STIP1: variants seen among roughly 807,000 people sequenced by gnomAD.
STIP1 encodes stress-induced-phosphoprotein 1.
STIP1 carries 16 observed loss-of-function variants against 77.4 expected under a neutral mutation model. That is an observed-to-expected ratio of 0.21 (90% CI 0.14 to 0.31). STIP1 has a LOEUF of 0.31. Ranked by LOEUF, STIP1 falls within the 10% of genes least tolerant of loss-of-function variation. The pLI is 1.00. For missense variants in STIP1, 524 were observed against 684.8 expected (o/e 0.77, Z 2.62); for synonymous variants, 258 against 246.6 (o/e 1.05, Z -0.44).
At chr11:64,194,421 G>A in intron 3 of STIP1, 58 bp from the exon 4 acceptor site, 3 of 1,612,220 alleles carry the variant, frequency 1.9e-6, no homozygotes, top group South Asian at 2.2e-5. Flanking sequence ...TAGGGTATGG[G>A]ACACAGTAAT....
chr11:64,186,951 T>C (rs1946029214), intron 1 of STIP1, among the ~76,000 whole-genome samples: 1 of 152,246 alleles, frequency 6.6e-6, no homozygotes, highest in Admixed American at 6.5e-5. Flanking sequence ...TCTCTGACAG[T>C]GTTTTACAAA....
At chr11:64,186,523 T>A in intron 1 of STIP1, 1 of 295,782 alleles carries the variant, frequency 3.4e-6, no homozygotes, top group Non-Finnish European at 5.9e-6. Flanking sequence ...ACAGCTTGGG[T>A]GAGTCCGGCC....
intron 8 of STIP1, among the ~76,000 whole-genome samples, chr11:64,199,533 C>A (rs1211706840): frequency 7.0e-6 from 1 of 142,858 alleles, no homozygotes; most frequent in Non-Finnish European, 1.5e-5. Flanking sequence ...AAAATCTTGC[C>A]AGCAATACTC....
chr11:64,194,751 T>A, intron 4 of STIP1, 131 bp downstream of exon 4: 2 of 1,140,462 alleles, frequency 1.8e-6, no homozygotes, highest in Non-Finnish European at 2.4e-6. Flanking sequence ...TGCAGAGCAG[T>A]AGGTGGTGGT....
At chr11:64,186,488 GGGCGAGGAGGGCCC>G in intron 1 of STIP1, 2 of 414,414 alleles carry the variant, frequency 4.8e-6, no homozygotes, top group Non-Finnish European at 7.6e-6. Flanking sequence ...CCCCCTGGTT[GGGCGAGGAGGGCCC>G]GGCGGAGGCC....
At chr11:64,185,652 C>G (rs1172719425), upstream of STIP1, 3 of 890,196 alleles carry the variant, frequency 3.4e-6, no homozygotes, top group Non-Finnish European at 5.0e-6. Flanking sequence ...ACCCAGAGGC[C>G]CCGCAGCCGC....
At chr11:64,190,689 C>G (rs551578099) in intron 1 of STIP1, among the ~76,000 whole-genome samples, 1 of 152,318 alleles carries the variant, frequency 6.6e-6, no homozygotes, top group East Asian at 1.9e-4. Context: ...TCGGTGACAA[C>G]TCTATCTCAC....
At chr11:64,200,532 GGTGT>G (rs759585589) in intron 10 of STIP1, among the ~76,000 whole-genome samples, 1 of 150,624 alleles carries the variant, frequency 6.6e-6, no homozygotes, top group East Asian at 1.9e-4. Context: ...GATTTATAGG[GGTGT>G]GTGTGTGTAT....
intron 5 of STIP1, among the ~76,000 whole-genome samples, chr11:64,196,474 C>T (rs926719493): frequency 2.0e-5 from 3 of 151,730 alleles, no homozygotes; most frequent in Non-Finnish European, 4.4e-5. Context: ...GGGAGTTGCC[C>T]TTCCCGTGGT....
chr11:64,197,483 T>C lies in STIP1; in HGVS notation c.800-10T>C, dbSNP rs1217608760. On this transcript the variant is annotated splice_polypyrimidine_tract_variant and intron_variant, in intron 6 of 13. Transcript: ENST00000305218. The stretch of plus-strand genomic sequence containing the variant: ...ACTGACTGTTCCTTCTTAACCATCC[T>C]GCCTGGCAGCGGTATACTTTGAAAA... The C allele has an allele frequency of 1.3e-5, 21 of 1,614,068 alleles. No individual in the cohort carries two copies. The East Asian group carries it at 4.7e-4, about 36-fold the overall frequency.
At position 64,194,665 on chromosome 11, in the gene STIP1, T is replaced by TA. The variant is rs536589273; in HGVS notation, c.503+46dup. On this transcript the variant is annotated intron_variant, in intron 4 of 13. Transcript: ENST00000305218. ...TGAGGTTCTGGAAATCGGGGAATGTTATGCTTTCTTCCTGTAACCTCACAG... is the reference window on the plus strand; with the variant it reads ...TGAGGTTCTGGAAATCGGGGAATGTTAATGCTTTCTTCCTGTAACCTCACAG... 257 of 1,601,326 alleles carry TA rather than the reference T, an allele frequency of 1.6e-4. 1 individual carries two copies. The South Asian group carries it at 2.7e-3, about 17-fold the overall frequency.
intron 10 of STIP1, chr11:64,202,619 T>C (rs1946232020): frequency 1.9e-6 from 1 of 516,458 alleles, no homozygotes; most frequent in South Asian, 2.3e-5. Flanking sequence ...GCATTTTGTC[T>C]AGTTGTCATG....
intron 1 of STIP1, among the ~76,000 whole-genome samples, chr11:64,191,039 T>G (rs1406170353): frequency 6.6e-6 from 1 of 151,732 alleles, no homozygotes; most frequent in African/African-American, 2.4e-5. Flanking sequence ...AATACAAAAT[T>G]AGACGGATGT....
Position 64,197,306 on chromosome 11 carries a change from C to T in STIP1, c.708C>T (p.Tyr236=). Residue 236 remains tyrosine (Y), a synonymous_variant, in exon 6 of 14, where the codon TAC becomes TAT. Transcript: ENST00000305218. Reference sequence around the variant, plus strand: ...AAAAAGAGCTGGGGAACGATGCCTACAAGAAGAAAGACTTTGACACAGCCT... The same window carrying T: ...AAAAAGAGCTGGGGAACGATGCCTATAAGAAGAAAGACTTTGACACAGCCT... ...LKEKELGNDA[Y]KKKDFDTALK... 6.2e-7 allele frequency: 1 copy of T among 1,614,036 alleles called. No homozygotes were observed. Among genetic ancestry groups the T allele is most frequent in the Non-Finnish European group, 8.5e-7 (1 of 1,180,014 alleles).
chr11:64,203,767 G>T (rs1946248584), intron 13 of STIP1, 145 bp downstream of exon 13: 1 of 1,116,788 alleles, frequency 9.0e-7, no homozygotes, highest in African/African-American at 1.6e-5. Context: ...TTGGCAGTGG[G>T]TGGCGAGCTG....
At chr11:64,200,427 A>T (rs1353521247) in intron 10 of STIP1, 134 bp downstream of exon 10, 3 of 1,402,438 alleles carry the variant, frequency 2.1e-6, no homozygotes, top group Non-Finnish European at 2.9e-6. Context: ...GTCCTGCCTC[A>T]GCCTCCTGAG....
At chr11:64,196,186 A>G (rs1218064714) in intron 5 of STIP1, among the ~76,000 whole-genome samples, 2 of 152,026 alleles carry the variant, frequency 1.3e-5, no homozygotes, top group East Asian at 1.9e-4. Context: ...ACCTGAGGTC[A>G]GGAGTTCAAG....
chr11:64,192,950 T>A (rs1946109069), intron 1 of STIP1, 128 bp from the exon 2 acceptor site: 4 of 887,944 alleles, frequency 4.5e-6, no homozygotes, highest in Non-Finnish European at 6.9e-6. Context: ...TGAACCGGTT[T>A]TCTCTCTTCT....
chr11:64,197,657 T>A, intron 7 of STIP1, 62 bp downstream of exon 7: 1 of 1,596,350 alleles, frequency 6.3e-7, no homozygotes, highest in Non-Finnish European at 8.6e-7. Context: ...AAGACTTAAG[T>A]TTCTCTGCAT....
Sources: allele counts gnomAD v4.1 joint callset (sites outside exome capture counted in the v4.1 genomes callset), GRCh38; gene constraint gnomAD v4.1.1; transcripts MANE v1.5; gene names NCBI Gene and HGNC (gene_info 2026-07-23, HGNC 2026-07-21).